Variants in CIMAP2 observed in about 807,000 individuals in gnomAD.
CIMAP2 encodes the protein ciliary microtubule-associated protein 2.
chr1:54,810,347 T>C, the CIMAP2 span, among the ~76,000 whole-genome samples: 1 of 152,206 alleles, frequency 6.6e-6, no homozygotes, highest in South Asian at 2.1e-4. Flanking sequence ...CATCTGTTAA[T>C]TGTGGATGGT....
the CIMAP2 span, among the ~76,000 whole-genome samples, chr1:54,838,262 C>G: frequency 4.6e-5 from 7 of 152,042 alleles, no homozygotes; most frequent in African/African-American, 1.7e-4. Flanking sequence ...GCAGGCAGAT[C>G]ACCTGAGGTG....
chr1:54,811,765 G>GCCGGGGGGGCCCCC, the CIMAP2 span: 1 of 1,301,330 alleles, frequency 7.7e-7, no homozygotes, highest in Non-Finnish European at 1.1e-6. Flanking sequence ...GGTTCTGACA[G>GCCGGGGGGGCCCCC]CCTCCATGCC....
At chr1:54,807,803 T>G in the CIMAP2 span, 2 of 1,513,044 alleles carry the variant, frequency 1.3e-6, no homozygotes, top group Non-Finnish European at 1.8e-6. Flanking sequence ...GATTATCCTT[T>G]AAGGAACACC....
At chr1:54,828,224 T>C in the CIMAP2 span, among the ~76,000 whole-genome samples, 2 of 152,172 alleles carry the variant, frequency 1.3e-5, no homozygotes, top group Admixed American at 1.3e-4. Context: ...ACCGTAGAGC[T>C]AGGAAGGCAA....
the CIMAP2 span, chr1:54,811,765 G>GCGGGGGGGGGGGGGCGGCCC: frequency 7.7e-7 from 1 of 1,301,332 alleles, no homozygotes; most frequent in Non-Finnish European, 1.1e-6. Flanking sequence ...GGTTCTGACA[G>GCGGGGGGGGGGGGGCGGCCC]CCTCCATGCC....
At chr1:54,836,306 T>C in the CIMAP2 span, among the ~76,000 whole-genome samples, 18 of 292 alleles carry the variant, frequency 0.062, no homozygotes, top group East Asian at 0.38. Context: ...CCTGCCTGCC[T>C]GCCTGCCTGC....
the CIMAP2 span, chr1:54,841,882 G>A: frequency 6.4e-7 from 1 of 1,550,968 alleles, no homozygotes; most frequent in Non-Finnish European, 8.7e-7. Context: ...AAAGCCACAT[G>A]CGAAGGACAG....
chr1:54,828,317 AG>A, the CIMAP2 span, among the ~76,000 whole-genome samples: 2 of 151,996 alleles, frequency 1.3e-5, no homozygotes, highest in East Asian at 3.9e-4. Flanking sequence ...AGGCAAAAAA[AG>A]GATTCCATTT....
the CIMAP2 span, among the ~76,000 whole-genome samples, chr1:54,835,994 C>T: frequency 6.6e-6 from 1 of 152,030 alleles, no homozygotes; most frequent in East Asian, 1.9e-4. Flanking sequence ...GATCACTCTC[C>T]TTTTACCCTT....
At chr1:54,806,165 G>C in the CIMAP2 span, 2 of 1,551,314 alleles carry the variant, frequency 1.3e-6, no homozygotes, top group South Asian at 2.4e-5. Context: ...GAACCGCGTC[G>C]GCTCCACGGC....
the CIMAP2 span, chr1:54,806,283 A>G: frequency 2.8e-6 from 4 of 1,417,326 alleles, no homozygotes; most frequent in Non-Finnish European, 3.7e-6. Flanking sequence ...CCCACCCCGA[A>G]GCCACGCTTG....
At chr1:54,837,158 C>CCATGTGCTATTGACAAGT in the CIMAP2 span, among the ~76,000 whole-genome samples, 1 of 151,972 alleles carries the variant, frequency 6.6e-6, no homozygotes, top group African/African-American at 2.4e-5. Context: ...TGTTTATAAG[C>CCATGTGCTATTGACAAGT]CATGTGCTAT....
the CIMAP2 span, chr1:54,811,765 G>GCGGGGGTGGGGGGGGGCC: frequency 7.7e-7 from 1 of 1,301,332 alleles, no homozygotes; most frequent in Non-Finnish European, 1.1e-6. Flanking sequence ...GGTTCTGACA[G>GCGGGGGTGGGGGGGGGCC]CCTCCATGCC....
At chr1:54,807,651 C>T in the CIMAP2 span, 2 of 1,609,550 alleles carry the variant, frequency 1.2e-6, no homozygotes, top group Admixed American at 1.7e-5. Flanking sequence ...AGCTACCCCA[C>T]TTCCAGTACC....
chr1:54,823,929 T>C, the CIMAP2 span, among the ~76,000 whole-genome samples: 2 of 152,184 alleles, frequency 1.3e-5, no homozygotes, highest in African/African-American at 4.8e-5. Flanking sequence ...GTAGTATTTG[T>C]GGTTGGCAGT....
the CIMAP2 span, among the ~76,000 whole-genome samples, chr1:54,808,943 T>A: frequency 3.6e-4 from 3 of 8,380 alleles, no homozygotes; most frequent in African/African-American, 8.2e-4. Context: ...CTGTTCCCTC[T>A]GCTAGGAATG....
chr1:54,809,144 A>C, the CIMAP2 span, among the ~76,000 whole-genome samples: 1 of 152,204 alleles, frequency 6.6e-6, no homozygotes, highest in Non-Finnish European at 1.5e-5. Flanking sequence ...GCTCCAAAAC[A>C]TTCTAATTCT....
At chr1:54,838,919 C>A in the CIMAP2 span, among the ~76,000 whole-genome samples, 1 of 95,626 alleles carries the variant, frequency 1.0e-5, no homozygotes, top group African/African-American at 3.2e-5. Flanking sequence ...AGCCCAGATT[C>A]GAGTGGGGCA....
At chr1:54,811,581 G>A in the CIMAP2 span, among the ~76,000 whole-genome samples, 11 of 152,266 alleles carry the variant, frequency 7.2e-5, no homozygotes, top group South Asian at 1.9e-3. Context: ...TCCAAGTTCA[G>A]CTGGGGAAGA....
Sources: allele counts gnomAD v4.1 joint callset (sites outside exome capture counted in the v4.1 genomes callset), GRCh38; gene constraint gnomAD v4.1.1; transcripts MANE v1.5; gene names NCBI Gene and HGNC (gene_info 2026-07-23, HGNC 2026-07-21).